Variants in CMIP observed in about 807,000 individuals in gnomAD.
The protein encoded by CMIP is C-Maf-inducing protein.
In CMIP, 13 loss-of-function variants were observed where a neutral mutation model predicts 97.3. The observed-to-expected ratio is 0.13, with a 90% CI of 0.09 to 0.21. The LOEUF (loss-of-function observed/expected upper bound fraction) is 0.21. Ranked by LOEUF, CMIP falls within the 10% of genes least tolerant of loss-of-function variation. CMIP has a pLI of 1.00. For missense variants in CMIP, 847 were observed against 1,024.9 expected (o/e 0.83, Z 2.37); for synonymous variants, 538 against 436.3 (o/e 1.23, Z -2.91).
intron 3 of CMIP, among the ~76,000 whole-genome samples, chr16:81,639,935 G>A (rs532744371): frequency 5.1e-4 from 78 of 152,282 alleles, no homozygotes; most frequent in Non-Finnish European, 8.7e-4. Flanking sequence ...AGGAAGCCCG[G>A]GGATGTTAGC....
intron 1 of CMIP, among the ~76,000 whole-genome samples, chr16:81,470,128 A>T (rs1018961758): frequency 2.6e-5 from 4 of 152,256 alleles, no homozygotes; most frequent in African/African-American, 4.8e-5. Flanking sequence ...TATCAGACAC[A>T]ACTTTTGACA....
At chr16:81,640,109 C>T (rs2092285696) in intron 3 of CMIP, among the ~76,000 whole-genome samples, 1 of 152,192 alleles carries the variant, frequency 6.6e-6, no homozygotes, top group African/African-American at 2.4e-5. Context: ...CTGTAGCCTC[C>T]TGGGTCCCCA....
At chr16:81,516,906 G>A (rs565572727) in intron 1 of CMIP, among the ~76,000 whole-genome samples, 15 of 150,686 alleles carry the variant, frequency 1.0e-4, no homozygotes, top group African/African-American at 2.2e-4. Flanking sequence ...CAAGGTCATC[G>A]GTGAAAAACC....
intron 20 of CMIP, among the ~76,000 whole-genome samples, chr16:81,708,207 G>T (rs1908366615): frequency 6.6e-6 from 1 of 152,206 alleles, no homozygotes; most frequent in Non-Finnish European, 1.5e-5. Context: ...GGACGTATGG[G>T]ACACAGAAGG....
chr16:81,698,303 G>A (rs1236951643), intron 14 of CMIP, among the ~76,000 whole-genome samples: 1 of 152,180 alleles, frequency 6.6e-6, no homozygotes. Flanking sequence ...GGTGACCGGG[G>A]ACCCCTGCCC....
chr16:81,482,975 G>A (rs1332630748), intron 1 of CMIP, among the ~76,000 whole-genome samples: 1 of 152,256 alleles, frequency 6.6e-6, no homozygotes, highest in Non-Finnish European at 1.5e-5. Context: ...TGCAGGCACG[G>A]AGCAAAGCAG....
intron 1 of CMIP, among the ~76,000 whole-genome samples, chr16:81,561,145 G>T (rs2090874855): frequency 6.6e-6 from 1 of 152,098 alleles, no homozygotes. Context: ...TATAGAGACA[G>T]GGTTTCACCA....
intron 1 of CMIP, among the ~76,000 whole-genome samples, chr16:81,485,217 T>C (rs2089297004): frequency 2.0e-5 from 3 of 152,358 alleles, no homozygotes; most frequent in Admixed American, 1.3e-4. Context: ...GACATTTAAG[T>C]TGTTCCTAAA....
intron 4 of CMIP, among the ~76,000 whole-genome samples, chr16:81,654,293 A>C (rs945183170): frequency 2.0e-5 from 3 of 151,498 alleles, no homozygotes; most frequent in African/African-American, 7.3e-5. Flanking sequence ...GTTGGTCTCA[A>C]ACTCCTGGGC....
At chr16:81,536,379 T>C (rs1351530668) in intron 1 of CMIP, among the ~76,000 whole-genome samples, 1 of 152,142 alleles carries the variant, frequency 6.6e-6, no homozygotes, top group Non-Finnish European at 1.5e-5. Context: ...TGCTATTCGG[T>C]ACCTCTCTCA....
intron 10 of CMIP, among the ~76,000 whole-genome samples, chr16:81,689,371 C>G (rs1397967101): frequency 1.3e-5 from 2 of 152,188 alleles, no homozygotes; most frequent in African/African-American, 4.8e-5. Context: ...GAGATGGTAT[C>G]TCATTGTGGT....
intron 1 of CMIP, among the ~76,000 whole-genome samples, chr16:81,580,058 C>T (rs1220116474): frequency 1.3e-5 from 2 of 152,218 alleles, no homozygotes; most frequent in Non-Finnish European, 2.9e-5. Context: ...CGGATATTTC[C>T]AGTAGAATGG....
chr16:81,663,191 C>T (rs757363713), intron 6 of CMIP, among the ~76,000 whole-genome samples: 2 of 151,912 alleles, frequency 1.3e-5, no homozygotes, highest in Admixed American at 6.5e-5. Context: ...TACATGCCGA[C>T]GTTACAGCAG....
chr16:81,522,434 G>A (rs1303178469), intron 1 of CMIP, among the ~76,000 whole-genome samples: 1 of 152,236 alleles, frequency 6.6e-6, no homozygotes, highest in African/African-American at 2.4e-5. Flanking sequence ...GGTGTCTTCT[G>A]GCATAGCCAT....
At chr16:81,626,788 A>AGTGACAGAGAGAGTGT in intron 3 of CMIP, among the ~76,000 whole-genome samples, 1 of 63,164 alleles carries the variant, frequency 1.6e-5, no homozygotes, top group South Asian at 7.0e-4. Flanking sequence ...AGAGAGAGAG[A>AGTGACAGAGAGAGTGT]GTGTGTGTGT....
At chr16:81,536,795 C>A (rs905811066) in intron 1 of CMIP, among the ~76,000 whole-genome samples, 2 of 151,930 alleles carry the variant, frequency 1.3e-5, no homozygotes, top group Non-Finnish European at 2.9e-5. Context: ...AACATACGTG[C>A]GTCACATACA....
rs1372425481 is a variant in CMIP at position 81,652,883 on chromosome 16, C to T, written c.639+519C>T. ...CCGTCGGCTGGGCCTCCTGTGCCAT[C>T]TGCTTTGCTGGCCTCCTCGCATATT... On this transcript the variant is annotated intron_variant, in intron 4 of 20. Transcript: ENST00000537098. This position sits in a 1 kb window ranked among gnomAD's most constrained non-coding sequence, Gnocchi z 5.2. Among the ~76,000 whole-genome samples the T allele has an allele frequency of 6.6e-6, 1 of 152,176 alleles. No individual in the cohort carries two copies. Among genetic ancestry groups the T allele is most frequent in the Admixed American group, 6.5e-5 (1 of 15,280 alleles).
chr16:81,487,510 G>A (rs1044784772), intron 1 of CMIP, among the ~76,000 whole-genome samples: 1 of 152,194 alleles, frequency 6.6e-6, no homozygotes, highest in Non-Finnish European at 1.5e-5. Context: ...TGGGCAGGCT[G>A]GGCAGCATGG....
intron 7 of CMIP, 139 bp from the exon 8 acceptor site, chr16:81,670,003 G>C (rs144775112): frequency 1.4e-6 from 1 of 717,712 alleles, no homozygotes; most frequent in Non-Finnish European, 2.3e-6. Flanking sequence ...TTTCCAGAGG[G>C]TTGGTGTCTC....
Sources: gnomAD v4.1 joint callset for allele counts (sites outside exome capture counted in the v4.1 genomes callset) on GRCh38, gnomAD v4.1.1 for gene constraint, Gnocchi (gnomAD v3.1) non-coding constraint, MANE v1.5 for transcripts, NCBI Gene and HGNC (gene_info 2026-07-23, HGNC 2026-07-21) for gene names.